The following NEO1 variants were observed in gnomAD, a reference collection of about 807,000 sequenced individuals.
NEO1 encodes neogenin.
Under a neutral mutation model 159.7 loss-of-function variants are expected in NEO1, and 63 were observed. That is an observed-to-expected ratio of 0.39 (90% CI 0.32 to 0.49). The LOEUF is 0.49. Among genes scored for constraint, NEO1 ranks in the 20% least tolerant of loss-of-function variants. The probability of loss-of-function intolerance (pLI) is 0.85; values close to 1 mark genes in which losing one functional copy is unlikely to be tolerated. For synonymous variants in NEO1, 633 were observed against 662.0 expected (o/e 0.96, Z 0.67); for missense variants, 1,615 against 1,831.0 (o/e 0.88, Z 2.15).
intron 7 of NEO1, among the ~76,000 whole-genome samples, chr15:73,178,666 T>C (rs2035419796): frequency 6.6e-6 from 1 of 152,214 alleles, no homozygotes; most frequent in African/African-American, 2.4e-5. Context: ...ATTATAGTCT[T>C]AATAAATTAA....
Position 73,298,659 on chromosome 15 carries a change from C to G in NEO1, c.4165+48C>G, listed in dbSNP as rs762788817. On this transcript the variant is annotated intron_variant, in intron 27 of 28. Transcript: ENST00000261908. ...CTGGAGGGAGCACACCTGGAGTGAC[C>G]CTTTGGCTCAAGCTTGGGACAAAGC... 6 of 1,602,732 alleles carry G rather than the reference C, an allele frequency of 3.7e-6. No homozygotes were observed. The African/African-American group carries it at 8.0e-5, about 21-fold the overall frequency.
intron 9 of NEO1, among the ~76,000 whole-genome samples, chr15:73,244,936 C>CA (rs2039678162): frequency 1.1e-5 from 1 of 90,988 alleles, no homozygotes; most frequent in Admixed American, 1.9e-4. Context: ...GTCTGGGTGA[C>CA]AGAGTGAGAC....
intron 9 of NEO1, among the ~76,000 whole-genome samples, chr15:73,245,419 T>C (rs1164476602): frequency 6.6e-6 from 1 of 152,192 alleles, no homozygotes; most frequent in Non-Finnish European, 1.5e-5. Context: ...GGTTTATTTA[T>C]ATTATAAATG....
At chr15:73,099,441 T>C (rs1274041084) in intron 1 of NEO1, among the ~76,000 whole-genome samples, 2 of 152,168 alleles carry the variant, frequency 1.3e-5, no homozygotes, top group African/African-American at 4.8e-5. Context: ...AGGATTTTTC[T>C]AACACATCTG....
At chr15:73,267,874 G>GTTT (rs1248112909) in intron 16 of NEO1, among the ~76,000 whole-genome samples, 2 of 152,132 alleles carry the variant, frequency 1.3e-5, no homozygotes, top group Non-Finnish European at 2.9e-5. Context: ...ATTTATTTTC[G>GTTT]GAAATGTTCT....
At chr15:73,265,003 C>G (rs2040818814) in intron 15 of NEO1, among the ~76,000 whole-genome samples, 1 of 151,972 alleles carries the variant, frequency 6.6e-6, no homozygotes, top group African/African-American at 2.4e-5. Flanking sequence ...GTGGAATGAG[C>G]CCTTTGAGAT....
intron 8 of NEO1, among the ~76,000 whole-genome samples, chr15:73,239,471 T>C (rs2039380428): frequency 2.6e-5 from 4 of 152,210 alleles, no homozygotes; most frequent in African/African-American, 9.6e-5. Flanking sequence ...GGGCACCTAA[T>C]ATACAATCGT....
intron 9 of NEO1, among the ~76,000 whole-genome samples, chr15:73,245,091 C>T (rs1486014002): frequency 6.6e-6 from 1 of 151,240 alleles, no homozygotes; most frequent in African/African-American, 2.4e-5. Context: ...AATCTTTCCT[C>T]TGATTCTAAT....
intron 2 of NEO1, among the ~76,000 whole-genome samples, chr15:73,122,113 A>C (rs1365785576): frequency 2.4e-5 from 1 of 41,262 alleles, no homozygotes; most frequent in Non-Finnish European, 5.0e-5. Flanking sequence ...TATATATTAT[A>C]TATATGTATA....
chr15:73,300,555 C>T (rs1217985069), intron 27 of NEO1, among the ~76,000 whole-genome samples: 1 of 152,190 alleles, frequency 6.6e-6, no homozygotes, highest in African/African-American at 2.4e-5. Context: ...CATGGTGAAA[C>T]CCCGCCTCTA....
chr15:73,301,287 T>C (rs200834745), intron 27 of NEO1, 34 bp from the exon 28 acceptor site: 179 of 1,613,556 alleles, frequency 1.1e-4, no homozygotes, highest in Non-Finnish European at 1.4e-4. Context: ...GAGGCAGGCT[T>C]GGCCACATAT....
chr15:73,213,038 C>T (rs1489091776), intron 7 of NEO1, among the ~76,000 whole-genome samples: 1 of 150,740 alleles, frequency 6.6e-6, no homozygotes, highest in Non-Finnish European at 1.5e-5. Flanking sequence ...CAAAAGGGAA[C>T]CATAATCTTT....
chr15:73,127,170 G>A (rs2030385428), intron 4 of NEO1, among the ~76,000 whole-genome samples: 1 of 151,642 alleles, frequency 6.6e-6, no homozygotes, highest in Non-Finnish European at 1.5e-5. Context: ...GGCGAAGGTT[G>A]CAGTGACCTG....
intron 7 of NEO1, among the ~76,000 whole-genome samples, chr15:73,224,082 A>T (rs1245616629): frequency 6.6e-6 from 1 of 152,168 alleles, no homozygotes; most frequent in Non-Finnish European, 1.5e-5. Context: ...TGGATACAAA[A>T]TTCTTGGCTG....
chr15:73,127,759 T>C (rs994993982), intron 4 of NEO1, among the ~76,000 whole-genome samples: 1 of 152,214 alleles, frequency 6.6e-6, no homozygotes, highest in African/African-American at 2.4e-5. Flanking sequence ...TGAAATGTAG[T>C]TCTACCAAAA....
intron 7 of NEO1, among the ~76,000 whole-genome samples, chr15:73,223,799 G>A (rs557957436): frequency 6.6e-6 from 1 of 152,288 alleles, no homozygotes; most frequent in South Asian, 2.1e-4. Context: ...TGAGATGTGA[G>A]GTACCATTAC....
chr15:73,103,762 G>A (rs2070529021), intron 1 of NEO1, among the ~76,000 whole-genome samples: 1 of 152,150 alleles, frequency 6.6e-6, no homozygotes, highest in South Asian at 2.1e-4. Flanking sequence ...GGATGGAGGT[G>A]GGTTAGGGTG....
At chr15:73,302,349 G>A (rs2042651825) in intron 28 of NEO1, among the ~76,000 whole-genome samples, 2 of 152,228 alleles carry the variant, frequency 1.3e-5, no homozygotes, top group African/African-American at 2.4e-5. Flanking sequence ...GGGGCAAGCA[G>A]TGGGCCTTCT....
chr15:73,188,927 C>G (rs542666812), intron 7 of NEO1, among the ~76,000 whole-genome samples: 21 of 151,910 alleles, frequency 1.4e-4, no homozygotes, highest in Admixed American at 3.9e-4. Context: ...ACCCCATCCT[C>G]ACAAAAAGTT....
Sources: gnomAD v4.1 joint callset for allele counts (sites outside exome capture counted in the v4.1 genomes callset) on GRCh38, gnomAD v4.1.1 for gene constraint, MANE v1.5 for transcripts, NCBI Gene and HGNC (gene_info 2026-07-23, HGNC 2026-07-21) for gene names.